C11orf65: variants seen among roughly 807,000 people sequenced by gnomAD.
C11orf65 encodes the protein chromosome 11 open reading frame 65, also known as protein MFI.
C11orf65 carries 38 observed loss-of-function variants against 35.3 expected under a neutral mutation model. That is an observed-to-expected ratio of 1.08 (90% CI 0.83 to 1.41). C11orf65 has a LOEUF of 1.41. C11orf65 is among the 40% of genes most tolerant of loss of function. C11orf65 has a pLI of 0.00. For missense variants in C11orf65, 370 were observed against 367.1 expected (o/e 1.01, Z -0.06); for synonymous variants, 105 against 114.4 (o/e 0.92, Z 0.53).
intron 6 of C11orf65, among the ~76,000 whole-genome samples, chr11:108,400,168 C>T (rs2092411784): frequency 6.6e-6 from 1 of 152,186 alleles, no homozygotes; most frequent in East Asian, 1.9e-4. Flanking sequence ...CAAAATATGT[C>T]ATACATTAGC....
chr11:108,317,146 C>T (rs530765284), intron 6 of C11orf65, among the ~76,000 whole-genome samples: 103 of 151,336 alleles, frequency 6.8e-4, no homozygotes, highest in Admixed American at 1.1e-3. Flanking sequence ...GGTTTGTTGT[C>T]CAGGCTGGTC....
chr11:108,341,311 C>T (rs2087541506), intron 2 of C11orf65, among the ~76,000 whole-genome samples: 1 of 152,120 alleles, frequency 6.6e-6, no homozygotes, highest in Non-Finnish European at 1.5e-5. Context: ...GTGTTACCCT[C>T]AGAAAGGCCT....
Position 108,317,463 on chromosome 11 carries a change from G to T in C11orf65, c.641-8392C>A, listed in dbSNP as rs1555114737. On this transcript the variant is annotated intron_variant, in intron 6 of 6. Transcript: ENST00000525729. ...TAAAGACTGGTGTCCTGAACTAGAAGAACTTCATTACCAAGCAGCATGGAG... is the reference window on the plus strand; with the variant it reads ...TAAAGACTGGTGTCCTGAACTAGAATAACTTCATTACCAAGCAGCATGGAG... 5 of 1,610,776 alleles carry T rather than the reference G, an allele frequency of 3.1e-6. No individual in the cohort carries two copies. The highest frequency in any genetic ancestry group is 4.2e-6 in the Non-Finnish European group (5 of 1,178,968).
rs1389648050 is a variant in C11orf65, at chr11:108,334,986, A to G, written c.299+234T>C. ...TTTATTAGGTGGACCACACAGGAGA[A>G]TATGGAAATCTGGTGACTATACAGT... On this transcript the variant is annotated intron_variant, in intron 3 of 3. Transcript: ENST00000524755. The G allele has an allele frequency of 5.6e-6, 9 of 1,613,556 alleles. No homozygotes were observed. The highest frequency in any genetic ancestry group is 7.6e-6 in the Non-Finnish European group (9 of 1,179,484).
intron 7 of C11orf65, among the ~76,000 whole-genome samples, chr11:108,386,886 C>A (rs752117332): frequency 2.7e-4 from 41 of 151,900 alleles, no homozygotes; most frequent in Non-Finnish European, 5.7e-4. Flanking sequence ...TCGAGACGAC[C>A]CTGGCTAACA....
At chr11:108,343,694 C>A (rs904555033) in intron 2 of C11orf65, among the ~76,000 whole-genome samples, 1 of 152,156 alleles carries the variant, frequency 6.6e-6, no homozygotes, top group African/African-American at 2.4e-5. Flanking sequence ...CACCTGTAAT[C>A]CCAGCTACTT....
chr11:108,313,183 CTTTGT>C (rs924804931), intron 6 of C11orf65, among the ~76,000 whole-genome samples: 16 of 152,302 alleles, frequency 1.1e-4, no homozygotes, highest in African/African-American at 3.8e-4. Flanking sequence ...TCTTCCTGTG[CTTTGT>C]TTTTTTATCT....
At chr11:108,373,648 C>G (rs2091632835) in intron 2 of C11orf65, among the ~76,000 whole-genome samples, 1 of 152,234 alleles carries the variant, frequency 6.6e-6, no homozygotes, top group South Asian at 2.1e-4. Context: ...GGGTTCATCT[C>G]ACTAGGGAGT....
intron 2 of C11orf65, among the ~76,000 whole-genome samples, chr11:108,370,009 C>G (rs890850934): frequency 2.0e-5 from 3 of 152,096 alleles, no homozygotes; most frequent in Non-Finnish European, 2.9e-5. Context: ...TGTAGCTTGT[C>G]TCTTCATTCT....
downstream of C11orf65, chr11:108,329,160 T>A (rs758351633): frequency 6.2e-7 from 1 of 1,614,044 alleles, no homozygotes; most frequent in Admixed American, 1.7e-5. Context: ...TCATCGGAAT[T>A]TGAAAACAAG....
intron 2 of C11orf65, chr11:108,353,724 T>C: frequency 6.8e-7 from 1 of 1,462,658 alleles, no homozygotes; most frequent in Non-Finnish European, 9.6e-7. Context: ...GAAAGTAAAT[T>C]AGCTGTCAAA....
chr11:108,444,203 T>C (rs1252008035), intron 2 of C11orf65, among the ~76,000 whole-genome samples: 1 of 151,936 alleles, frequency 6.6e-6, no homozygotes, highest in Non-Finnish European at 1.5e-5. Context: ...TCTACGCAAA[T>C]AAACTAGAAA....
At chr11:108,337,742 A>G (rs1384681100) in intron 2 of C11orf65, among the ~76,000 whole-genome samples, 3 of 152,256 alleles carry the variant, frequency 2.0e-5, no homozygotes, top group African/African-American at 7.2e-5. Flanking sequence ...GAGACTAGAT[A>G]TTCTGTAATG....
chr11:108,434,592 A>G (rs1016777874), intron 2 of C11orf65, among the ~76,000 whole-genome samples: 2 of 151,858 alleles, frequency 1.3e-5, no homozygotes, highest in African/African-American at 4.8e-5. Flanking sequence ...CACCACTGAG[A>G]GAGTCCAACT....
In C11orf65 at chr11:108,312,499, G is replaced by C. The variant is rs786202016; in HGVS notation, c.641-3428C>G. 4.5e-6 allele frequency: 7 copies of C among 1,542,256 alleles called. No homozygotes were observed. The highest frequency in any genetic ancestry group is 6.3e-6 in the Non-Finnish European group (7 of 1,115,182). On this transcript the variant is annotated intron_variant, in intron 6 of 6. Transcript: ENST00000525729. ...AGAAGAAACTGGAATAAGTTTACAGGTAAATATTAGAGGCTCTATTATTTA... is the reference window on the plus strand; with the variant it reads ...AGAAGAAACTGGAATAAGTTTACAGCTAAATATTAGAGGCTCTATTATTTA...
chr11:108,333,801 C>A, intron 3 of C11orf65: 1 of 1,054,718 alleles, frequency 9.5e-7, no homozygotes, highest in Non-Finnish European at 1.5e-6. Context: ...CAAGTTGGGG[C>A]CAGTGGTATC....
chr11:108,465,365 G>A (rs1459658123), intron 1 of C11orf65, among the ~76,000 whole-genome samples: 2 of 152,048 alleles, frequency 1.3e-5, no homozygotes, highest in Non-Finnish European at 2.9e-5. Context: ...AAAATATAGA[G>A]GAAATATATT....
chr11:108,402,899 G>C (rs1052264130), intron 6 of C11orf65, among the ~76,000 whole-genome samples: 2 of 152,102 alleles, frequency 1.3e-5, no homozygotes, highest in South Asian at 4.1e-4. Context: ...ATGTCATTCT[G>C]TCTATCAGTA....
intron 6 of C11orf65, chr11:108,310,099 GC>G: frequency 6.5e-7 from 1 of 1,534,624 alleles, no homozygotes; most frequent in Non-Finnish European, 9.0e-7. Context: ...ATATCAACAT[GC>G]TTTTATTTTG....
Sources: gnomAD v4.1 joint callset for allele counts (sites outside exome capture counted in the v4.1 genomes callset) on GRCh38, gnomAD v4.1.1 for gene constraint, MANE v1.5 for transcripts, NCBI Gene and HGNC (gene_info 2026-07-23, HGNC 2026-07-21) for gene names.